Variants in PIK3R1 observed in about 807,000 individuals in gnomAD.
PIK3R1 encodes the protein phosphoinositide-3-kinase regulatory subunit 1.
Under a neutral mutation model 98.0 loss-of-function variants are expected in PIK3R1, and 29 were observed. The observed-to-expected ratio is 0.30, with a 90% CI of 0.22 to 0.40. The LOEUF is 0.40. PIK3R1 is among the 10% of genes least tolerant of loss of function. The probability of loss-of-function intolerance (pLI) is 1.00; values close to 1 mark genes in which losing one functional copy is unlikely to be tolerated. For missense variants in PIK3R1, 596 were observed against 872.7 expected, an observed-to-expected ratio of 0.68 and a Z score of 3.99; for synonymous variants, 282 against 311.8, an observed-to-expected ratio of 0.90 and a Z score of 1.01.
intron 1 of PIK3R1, among the ~76,000 whole-genome samples, chr5:68,223,467 C>T (rs556364719): frequency 6.6e-6 from 1 of 151,974 alleles, no homozygotes; most frequent in African/African-American, 2.4e-5. Context: ...GGATGGATGC[C>T]CTGTTTGTAT....
chr5:68,299,880 T>A lies in PIK3R1; in HGVS notation c.*2279T>A. ...TACTGATCTGACCATTTCCCTCTCA[T>A]CGCCAGACAACTGACGATTTCCCTG... is the stretch of plus-strand genomic sequence containing the variant. On this transcript the variant is annotated 3_prime_UTR_variant, in exon 16 of 16. Transcript: ENST00000521381. 4.3e-6 allele frequency: 1 copy of A among 233,234 alleles called. No homozygotes were observed. The highest frequency in any genetic ancestry group is 5.6e-5 in the Admixed American group (1 of 17,794). The allele number at this position is 233,234 out of a possible 1,614,324, so 14.4% of individuals were successfully genotyped here.
intron 2 of PIK3R1, chr5:68,239,777 C>T: frequency 2.2e-6 from 1 of 454,684 alleles, no homozygotes; most frequent in Non-Finnish European, 4.4e-6. Context: ...CCTGGCTTGC[C>T]AGTGACGTGT....
intron 8 of PIK3R1, 162 bp downstream of exon 8, chr5:68,292,523 T>C (rs776400753): frequency 1.1e-4 from 171 of 1,520,814 alleles, no homozygotes; most frequent in Non-Finnish European, 4.1e-5. Context: ...ACTGGAGAAC[T>C]GTGGGTGCTG....
At chr5:68,256,000 T>C (rs1450850031) in intron 2 of PIK3R1, among the ~76,000 whole-genome samples, 1 of 152,224 alleles carries the variant, frequency 6.6e-6, no homozygotes, top group East Asian at 1.9e-4. Context: ...AGTGGGATGC[T>C]GAATTCATAG....
chr5:68,298,840 T>TAAAG lies in PIK3R1; in HGVS notation c.*1242_*1245dup, dbSNP rs148102971. The TAAAG allele has an allele frequency of 8.6e-3, 1,918 of 222,784 alleles. 34 individuals carry two copies. The highest frequency in any genetic ancestry group is 0.043 in the African/African-American group (1,819 of 42,466). 13.8% of individuals were successfully genotyped at this position (222,784 alleles called of 1,614,324 possible). On this transcript the variant is annotated 3_prime_UTR_variant, in exon 16 of 16. Coordinates refer to ENST00000521381, the MANE Select transcript of PIK3R1 (RefSeq NM_181523.3). ...ACGGTACCTGGCAATGTTTATTTCATAAAGAATTGTGAACTTCTTGAATCT... is the reference window on the plus strand; with the variant it reads ...ACGGTACCTGGCAATGTTTATTTCATAAAGAAAGAATTGTGAACTTCTTGAATCT...
At chr5:68,243,050 TA>T (rs1002753336) in intron 2 of PIK3R1, among the ~76,000 whole-genome samples, 208 of 143,024 alleles carry the variant, frequency 1.5e-3, no homozygotes, top group Admixed American at 2.2e-3. Flanking sequence ...AGCAAGGCCT[TA>T]AAAAAAAAAA....
rs563669814 is a variant in PIK3R1 at position 68,287,394 on chromosome 5, G to A, written c.917-4865G>A. Among the ~76,000 whole-genome samples the A allele has an allele frequency of 3.9e-5, 6 of 152,224 alleles. 1 individual carries two copies. The highest frequency in any genetic ancestry group is 3.9e-4 in the Admixed American group (6 of 15,284). ...GCATTTGAAACCATCAGAAGATTGG[G>A]TTCTAGTCTTAGGGCTATAATCTTC... On this transcript the variant is annotated intron_variant, in intron 7 of 15. Transcript: ENST00000521381.
At chr5:68,239,384 A>G (rs1744788223) in intron 2 of PIK3R1, among the ~76,000 whole-genome samples, 1 of 152,234 alleles carries the variant, frequency 6.6e-6, no homozygotes, top group African/African-American at 2.4e-5. Flanking sequence ...AGACATTAAC[A>G]TATGTATGTA....
At chr5:68,240,621 A>G (rs1744837476) in intron 2 of PIK3R1, among the ~76,000 whole-genome samples, 1 of 152,074 alleles carries the variant, frequency 6.6e-6, no homozygotes, top group Admixed American at 6.6e-5. Flanking sequence ...AGACTCTGAG[A>G]CCTCTTTGCC....
At position 68,297,797 on chromosome 5, in the gene PIK3R1, G is replaced by A. The variant is rs1294857239; in HGVS notation, c.*196G>A. 6 of 463,106 alleles carry A rather than the reference G, an allele frequency of 1.3e-5. No individual in the cohort carries two copies. The highest frequency in any genetic ancestry group is 4.8e-5 in the South Asian group (1 of 20,632). 28.7% of individuals were successfully genotyped at this position (463,106 alleles called of 1,614,324 possible). A position where few individuals can be genotyped will look rare whatever the true frequency, so the allele number is the denominator to read the frequency against. Reference sequence around the variant, plus strand: ...GCCTAAGGCTGTATGATGACCACACGTTCCTAAGCTGGAGTGCTTATCCCT... The same window carrying A: ...GCCTAAGGCTGTATGATGACCACACATTCCTAAGCTGGAGTGCTTATCCCT... On this transcript the variant is annotated 3_prime_UTR_variant, in exon 16 of 16. Transcript: ENST00000521381.
chr5:68,226,598 T>G lies in PIK3R1; in HGVS notation c.-78T>G. On this transcript the variant is annotated 5_prime_UTR_variant, in exon 2 of 16. It adds an upstream start codon to the 5' untranslated region. Coordinates refer to ENST00000521381, the MANE Select transcript of PIK3R1 (RefSeq NM_181523.3). ...AGGAATTCTAACACATTCTCTGAAT[T>G]CACTTTTCATAAAAACGTAAAATCA... 1 of 1,144,826 alleles carries G rather than the reference T, an allele frequency of 8.7e-7. No individual in the cohort carries two copies. Among genetic ancestry groups the G allele is most frequent in the Non-Finnish European group, 1.3e-6 (1 of 783,380 alleles). 70.9% of individuals were successfully genotyped at this position (1,144,826 alleles called of 1,614,324 possible).
intron 7 of PIK3R1, chr5:68,291,115 G>T: frequency 3.1e-6 from 1 of 317,808 alleles, no homozygotes; most frequent in Non-Finnish European, 5.8e-6. Flanking sequence ...TCCTTCCCTG[G>T]GTGAGTTATG....
intron 2 of PIK3R1, among the ~76,000 whole-genome samples, chr5:68,265,739 A>C (rs1320062966): frequency 6.6e-6 from 1 of 152,234 alleles, no homozygotes; most frequent in Non-Finnish European, 1.5e-5. Flanking sequence ...ATCTGACTTT[A>C]AAATGCATCT....
intron 7 of PIK3R1, chr5:68,288,368 A>G: frequency 1.9e-6 from 2 of 1,072,386 alleles, no homozygotes. Flanking sequence ...TGAAGCTGCG[A>G]TCTTTATCTA....
Position 68,226,563 on chromosome 5 carries a change from G to T in PIK3R1, c.-113G>T, listed in dbSNP as rs181792324. 4 of 851,294 alleles carry T rather than the reference G, an allele frequency of 4.7e-6. No homozygotes were observed. The African/African-American group carries it at 5.2e-5, about 11-fold the overall frequency. 52.7% of individuals were successfully genotyped at this position (851,294 alleles called of 1,614,324 possible). A position where few individuals can be genotyped will look rare whatever the true frequency, so the allele number is the denominator to read the frequency against. The stretch of plus-strand genomic sequence containing the variant: ...GAGAGTGGTCCTTTGTCCTCTGCTG[G>T]ACACATAATAGGAATTCTAACACAT... On this transcript the variant is annotated 5_prime_UTR_variant, in exon 2 of 16. Transcript: ENST00000521381.
At chr5:68,223,160 AT>A (rs1561255758) in intron 1 of PIK3R1, among the ~76,000 whole-genome samples, 4 of 150,476 alleles carry the variant, frequency 2.7e-5, no homozygotes, top group Admixed American at 6.6e-5. Flanking sequence ...CATCATCATC[AT>A]CATCATCACC....
intron 2 of PIK3R1, 64 bp downstream of exon 2, chr5:68,227,073 A>C: frequency 6.9e-7 from 1 of 1,451,534 alleles, no homozygotes; most frequent in South Asian, 1.4e-5. Context: ...AAAAGTCTTA[A>C]GTTTGGGTTG....
At chr5:68,219,224 T>A (rs1488833296) in intron 1 of PIK3R1, among the ~76,000 whole-genome samples, 1 of 152,232 alleles carries the variant, frequency 6.6e-6, no homozygotes, top group Non-Finnish European at 1.5e-5. Context: ...TGTAGAAACA[T>A]CTTTGGAGAT....
At chr5:68,296,407 T>C (rs1747716496) in intron 15 of PIK3R1, 66 bp downstream of exon 15, 4 of 1,456,052 alleles carry the variant, frequency 2.7e-6, no homozygotes, top group East Asian at 2.3e-5. Flanking sequence ...TATTCATTCA[T>C]TGAGTTTTGG....
Sources: allele counts gnomAD v4.1 joint callset (sites outside exome capture counted in the v4.1 genomes callset), GRCh38; gene constraint gnomAD v4.1.1; transcripts MANE v1.5; gene names NCBI Gene and HGNC (gene_info 2026-07-23, HGNC 2026-07-21).